The following EYS variants were observed in gnomAD, a reference collection of about 807,000 sequenced individuals.
EYS encodes the protein protein eyes shut homolog.
EYS carries 250 observed loss-of-function variants against 282.1 expected under a neutral mutation model. The observed-to-expected ratio is 0.89, with a 90% confidence interval of 0.80 to 0.98. The LOEUF (loss-of-function observed/expected upper bound fraction) is 0.98. EYS is among the 50% of genes least tolerant of loss of function. EYS has a pLI of 0.00. For synonymous variants in EYS, 1,355 were observed against 1,282.9 expected, an observed-to-expected ratio of 1.06 and a Z score of -1.20; for missense variants, 4,016 against 3,709.0, an observed-to-expected ratio of 1.08 and a Z score of -2.15.
chr6:64,690,439 A>G (rs1770337109), intron 22 of EYS, among the ~76,000 whole-genome samples: 1 of 152,158 alleles, frequency 6.6e-6, no homozygotes, highest in African/African-American at 2.4e-5. Flanking sequence ...AAGGATCTAT[A>G]ACTAGAAATA....
intron 22 of EYS, among the ~76,000 whole-genome samples, chr6:64,715,903 C>T (rs2149938598): frequency 6.6e-6 from 1 of 152,280 alleles, no homozygotes; most frequent in Admixed American, 6.5e-5. Flanking sequence ...CTGAGTTGTG[C>T]TTCCAGTGGT....
chr6:65,534,171 C>T lies in EYS; in HGVS notation c.-332-38178G>A, dbSNP rs570225736. Reference sequence around the variant, plus strand: ...GATTTGGCAATTGAGGTTCCTAGTTCCAAATCACCTTATAGGAACTATTAA... The same window carrying T: ...GATTTGGCAATTGAGGTTCCTAGTTTCAAATCACCTTATAGGAACTATTAA... On this transcript the variant is annotated intron_variant, in intron 2 of 42. Coordinates refer to ENST00000503581, the MANE Select transcript of EYS (RefSeq NM_001142800.2). 1.4e-4 allele frequency among the ~76,000 whole-genome samples: 22 copies of T among 152,106 alleles called. No homozygotes were observed. In the South Asian group the frequency reaches 2.7e-3, roughly 19 times the overall value.
intron 12 of EYS, among the ~76,000 whole-genome samples, chr6:65,258,256 A>C (rs1362555840): frequency 6.6e-6 from 1 of 152,132 alleles, no homozygotes; most frequent in South Asian, 2.1e-4. Flanking sequence ...AGTGGGGGGA[A>C]AAATCCACTG....
At chr6:64,522,183 A>G (rs957774192) in intron 26 of EYS, among the ~76,000 whole-genome samples, 1 of 151,774 alleles carries the variant, frequency 6.6e-6, no homozygotes, top group African/African-American at 2.4e-5. Context: ...CTTGTGCTAC[A>G]CAAAAACGAG....
At chr6:64,576,887 A>G (rs1765898433) in intron 26 of EYS, among the ~76,000 whole-genome samples, 1 of 152,150 alleles carries the variant, frequency 6.6e-6, no homozygotes. Context: ...CCAATAACTC[A>G]GAATGTGATG....
At chr6:64,912,921 A>G (rs1229107454) in intron 15 of EYS, among the ~76,000 whole-genome samples, 178 bp from the exon 16 acceptor site, 1 of 152,148 alleles carries the variant, frequency 6.6e-6, no homozygotes, top group African/African-American at 2.4e-5. Context: ...AGTATAATAT[A>G]TATTACCATA....
intron 5 of EYS, among the ~76,000 whole-genome samples, chr6:65,453,189 A>G (rs561105583): frequency 1.3e-5 from 2 of 151,998 alleles, no homozygotes; most frequent in Non-Finnish European, 2.9e-5. Context: ...GTATTTAACT[A>G]TTTATGTATT....
At chr6:64,085,714 T>C (rs1344333118) in intron 31 of EYS, among the ~76,000 whole-genome samples, 1 of 152,196 alleles carries the variant, frequency 6.6e-6, no homozygotes, top group Non-Finnish European at 1.5e-5. Context: ...GAAGGTTAGT[T>C]GTTAGAATCA....
At chr6:63,801,286 A>G (rs1172204852) in intron 37 of EYS, among the ~76,000 whole-genome samples, 3 of 152,134 alleles carry the variant, frequency 2.0e-5, no homozygotes, top group Non-Finnish European at 2.9e-5. Context: ...GAAAAAAACA[A>G]AAAGTAACTG....
chr6:65,278,767 T>C (rs943385303), intron 12 of EYS, among the ~76,000 whole-genome samples: 1 of 152,226 alleles, frequency 6.6e-6, no homozygotes, highest in Non-Finnish European at 1.5e-5. Flanking sequence ...ACAACAGTTC[T>C]GTGAAATATA....
At chr6:65,170,573 C>A (rs1027317470) in intron 12 of EYS, among the ~76,000 whole-genome samples, 1 of 151,444 alleles carries the variant, frequency 6.6e-6, no homozygotes, top group East Asian at 2.0e-4. Flanking sequence ...AAAATAACTA[C>A]TAAACTTATT....
intron 2 of EYS, among the ~76,000 whole-genome samples, chr6:65,503,808 T>C (rs562825029): frequency 5.9e-4 from 90 of 151,866 alleles, no homozygotes; most frequent in Non-Finnish European, 1.0e-3. Flanking sequence ...TCTGTTCCAT[T>C]GATCTACATG....
chr6:64,481,495 C>CA (rs924179563), intron 26 of EYS, among the ~76,000 whole-genome samples: 43 of 145,578 alleles, frequency 3.0e-4, no homozygotes, highest in Non-Finnish European at 5.2e-4. Context: ...AAATTCAAAG[C>CA]AAAAAAAATT....
At chr6:64,902,345 T>C (rs1057163656) in intron 17 of EYS, 59 bp downstream of exon 17, 3 of 1,323,174 alleles carry the variant, frequency 2.3e-6, no homozygotes. Flanking sequence ...TAAAATTCTA[T>C]ACCTGTATAC....
chr6:64,242,828 TATATA>T (rs951695216), intron 30 of EYS, among the ~76,000 whole-genome samples: 28 of 147,270 alleles, frequency 1.9e-4, no homozygotes, highest in African/African-American at 6.9e-4. Context: ...GTTTTTAATA[TATATA>T]ATATAAATAT....
chr6:64,636,605 T>A (rs1767989920), intron 22 of EYS, among the ~76,000 whole-genome samples: 1 of 152,028 alleles, frequency 6.6e-6, no homozygotes, highest in Admixed American at 6.5e-5. Flanking sequence ...CTCATTAAAC[T>A]AAAGAGCTTC....
chr6:64,964,210 C>A (rs980375062), intron 14 of EYS, among the ~76,000 whole-genome samples: 3 of 151,946 alleles, frequency 2.0e-5, no homozygotes, highest in Non-Finnish European at 4.4e-5. Context: ...ATATAGGGCT[C>A]TCGATATGTA....
intron 30 of EYS, among the ~76,000 whole-genome samples, chr6:64,261,299 C>A (rs1317196598): frequency 6.6e-6 from 1 of 152,018 alleles, no homozygotes; most frequent in Non-Finnish European, 1.5e-5. Context: ...TAACACCAAG[C>A]TAAAAAGCTT....
intron 26 of EYS, among the ~76,000 whole-genome samples, chr6:64,556,716 G>T (rs568909687): frequency 1.7e-4 from 26 of 151,908 alleles, no homozygotes; most frequent in Non-Finnish European, 3.2e-4. Flanking sequence ...TGAGGAACAA[G>T]AATAGGCAGC....
Sources: gnomAD v4.1 joint callset for allele counts (sites outside exome capture counted in the v4.1 genomes callset) on GRCh38, gnomAD v4.1.1 for gene constraint, MANE v1.5 for transcripts, NCBI Gene and HGNC (gene_info 2026-07-23, HGNC 2026-07-21) for gene names.